Variants in APP observed in about 807,000 individuals in gnomAD.
APP encodes the protein amyloid-beta precursor protein.
APP carries 31 observed loss-of-function variants against 101.4 expected under a neutral mutation model. The ratio of observed to expected loss-of-function variants is 0.31; its 90% CI spans 0.23 to 0.41. The LOEUF (loss-of-function observed/expected upper bound fraction) is 0.41. Among genes scored for constraint, APP ranks in the 10% least tolerant of loss-of-function variants. The pLI is 1.00. For synonymous variants in APP, 366 were observed against 364.4 expected (o/e 1.00, Z -0.05); for missense variants, 839 against 1,003.7 (o/e 0.84, Z 2.22).
intron 5 of APP, among the ~76,000 whole-genome samples, chr21:26,028,059 G>T (rs574581866): frequency 1.2e-4 from 18 of 152,078 alleles, no homozygotes; most frequent in African/African-American, 4.3e-4. Context: ...AGCTGGACGT[G>T]GGGGTGCACG....
chr21:25,945,670 C>T, intron 13 of APP: 1 of 327,264 alleles, frequency 3.1e-6, no homozygotes, highest in South Asian at 2.3e-5. Flanking sequence ...GTAATAGTGC[C>T]AAGACCATTC....
intron 5 of APP, among the ~76,000 whole-genome samples, chr21:26,043,534 T>C (rs1187416574): frequency 2.0e-5 from 3 of 152,136 alleles, no homozygotes; most frequent in African/African-American, 4.8e-5. Context: ...CCTGGCCTAG[T>C]TTTTCTTTTT....
intron 6 of APP, among the ~76,000 whole-genome samples, chr21:26,011,537 C>G (rs2146729190): frequency 6.6e-6 from 1 of 152,192 alleles, no homozygotes; most frequent in South Asian, 2.1e-4. Context: ...AGTGATGCAG[C>G]TAAACATCCT....
chr21:26,152,294 A>AAAAAAAAACAAAC (rs1293984927), intron 1 of APP, among the ~76,000 whole-genome samples: 8 of 149,332 alleles, frequency 5.4e-5, no homozygotes, highest in African/African-American at 1.5e-4. Context: ...CAAAAAAAAA[A>AAAAAAAAACAAAC]AAAAAAAAAA....
intron 3 of APP, among the ~76,000 whole-genome samples, chr21:26,055,702 C>T (rs899829018): frequency 1.3e-5 from 2 of 152,202 alleles, no homozygotes; most frequent in Non-Finnish European, 2.9e-5. Context: ...AATGTCCAAA[C>T]TAAGAAGTGA....
At chr21:26,166,868 A>AAGTGAGAGAG (rs1339168948) in intron 1 of APP, among the ~76,000 whole-genome samples, 3,140 of 122,388 alleles carry the variant, frequency 0.026, 48 homozygotes, top group Non-Finnish European at 0.034. Context: ...TCTGTCACTC[A>AAGTGAGAGAG]AGTGAGAGAG....
intron 15 of APP, 79 bp from the exon 16 acceptor site, chr21:25,897,752 T>C (rs890187082): frequency 8.2e-7 from 1 of 1,213,348 alleles, no homozygotes; most frequent in Non-Finnish European, 1.2e-6. Context: ...AGACAAAGCC[T>C]ACCCAAAACT....
At chr21:25,935,764 C>A (rs145289435) in intron 13 of APP, among the ~76,000 whole-genome samples, 1 of 135,370 alleles carries the variant, frequency 7.4e-6, no homozygotes, top group African/African-American at 2.7e-5. Flanking sequence ...CATTTGAAAC[C>A]GGGAGGCGGA....
chr21:25,933,087 A>T (rs1198016099), intron 13 of APP, among the ~76,000 whole-genome samples: 2 of 152,174 alleles, frequency 1.3e-5, no homozygotes, highest in Non-Finnish European at 2.9e-5. Context: ...GATATCCATC[A>T]CTTAAATGTT....
chr21:25,880,629 T>A lies in APP; in HGVS notation c.*1041A>T, dbSNP rs2036927024. 1 of 152,250 alleles carries A rather than the reference T, an allele frequency of 6.6e-6. No individual in the cohort carries two copies. Among genetic ancestry groups the A allele is most frequent in the Admixed American group, 6.5e-5 (1 of 15,284 alleles). The allele number at this position is 152,250 out of a possible 1,614,324, so 9.4% of individuals were successfully genotyped here. A position where few individuals can be genotyped will look rare whatever the true frequency, so the allele number is the denominator to read the frequency against. ...AGACACATCTTAAAAGAAGGGTTTG[T>A]CCAGGCATGCCTTCCTCATCCCCTT... On this transcript the variant is annotated 3_prime_UTR_variant, in exon 18 of 18. Transcript: ENST00000346798.
At position 26,032,582 on chromosome 21, in the gene APP, G is replaced by A. The variant is rs190791452; in HGVS notation, c.663-10540C>T. Among the ~76,000 whole-genome samples, 4 of 152,210 alleles carry A rather than the reference G, an allele frequency of 2.6e-5. No homozygotes were observed. The East Asian group carries it at 7.7e-4, about 29-fold the overall frequency. On this transcript the variant is annotated intron_variant, in intron 5 of 17. Coordinates refer to ENST00000346798, the MANE Select transcript of APP (RefSeq NM_000484.4). Reference sequence around the variant, plus strand: ...TGGGATGGAAATATTAACCACCTCAGGGGATGGTGTGAACAGCCAATGATG... The same window carrying A: ...TGGGATGGAAATATTAACCACCTCAAGGGATGGTGTGAACAGCCAATGATG...
rs567956573 is a variant in APP, at chr21:25,989,503, C to A, written c.1091-7026G>T. 3.2e-4 allele frequency among the ~76,000 whole-genome samples: 49 copies of A among 152,208 alleles called. 1 individual carries two copies. The South Asian group carries it at 1.0e-2, about 31-fold the overall frequency. ...CTCAGGACACAAAAGAAGAAATGACCCACCTTCAAACAGCAATGACCGTGG... is the reference window on the plus strand; with the variant it reads ...CTCAGGACACAAAAGAAGAAATGACACACCTTCAAACAGCAATGACCGTGG... On this transcript the variant is annotated intron_variant, in intron 8 of 17. Coordinates refer to ENST00000346798, the MANE Select transcript of APP (RefSeq NM_000484.4).
At chr21:26,105,685 T>C (rs1052813071) in intron 2 of APP, among the ~76,000 whole-genome samples, 1 of 152,180 alleles carries the variant, frequency 6.6e-6, no homozygotes, top group African/African-American at 2.4e-5. Context: ...AAGAATGTTC[T>C]AGAGAATTCA....
At chr21:26,112,289 G>A (rs1006191141) in intron 1 of APP, 143 bp from the exon 2 acceptor site, 2 of 824,786 alleles carry the variant, frequency 2.4e-6, no homozygotes, top group African/African-American at 3.4e-5. Context: ...CACTCCTTTA[G>A]ATTAAGTGTT....
At chr21:26,023,037 C>T (rs2044412496) in intron 5 of APP, among the ~76,000 whole-genome samples, 1 of 151,438 alleles carries the variant, frequency 6.6e-6, no homozygotes, top group Non-Finnish European at 1.5e-5. Context: ...TCAGGGATGC[C>T]TGCTGGAACT....
At chr21:25,914,659 T>C (rs996273597) in intron 13 of APP, among the ~76,000 whole-genome samples, 3 of 148,484 alleles carry the variant, frequency 2.0e-5, no homozygotes, top group South Asian at 4.4e-4. Flanking sequence ...GTTGACGCCA[T>C]TCTCCTGCCT....
At chr21:25,890,204 A>G (rs1365506812) in intron 17 of APP, among the ~76,000 whole-genome samples, 10 of 151,954 alleles carry the variant, frequency 6.6e-5, no homozygotes, top group Admixed American at 4.6e-4. Flanking sequence ...CCTTCCTCAC[A>G]CTGCTCATCC....
At chr21:26,039,995 T>A (rs1291366263) in intron 5 of APP, among the ~76,000 whole-genome samples, 1 of 152,158 alleles carries the variant, frequency 6.6e-6, no homozygotes, top group Non-Finnish European at 1.5e-5. Context: ...GATTTCAGAT[T>A]TTTTTCAAAT....
intron 13 of APP, among the ~76,000 whole-genome samples, chr21:25,925,223 A>T (rs2409157): frequency 1 from 152,236 of 152,238 alleles, 76,117 homozygotes; most frequent in Middle Eastern, 1. Flanking sequence ...GCTATGAGAA[A>T]CAGATTTAAT....
Sources: gnomAD v4.1 joint callset for allele counts (sites outside exome capture counted in the v4.1 genomes callset) on GRCh38, gnomAD v4.1.1 for gene constraint, MANE v1.5 for transcripts, NCBI Gene and HGNC (gene_info 2026-07-23, HGNC 2026-07-21) for gene names.